Variants in PCDH9 observed in about 807,000 individuals in gnomAD.
PCDH9 encodes protocadherin 9.
PCDH9 carries 24 observed loss-of-function variants against 70.6 expected under a neutral mutation model. That is an observed-to-expected ratio of 0.34 (90% confidence interval 0.25 to 0.48). The LOEUF is 0.48. Ranked by LOEUF, PCDH9 falls within the 20% of genes least tolerant of loss-of-function variation. The pLI, the probability that PCDH9 is intolerant of heterozygous loss-of-function variation, is 0.99. For missense variants in PCDH9, 1,281 were observed against 1,503.6 expected (o/e 0.85, Z 2.45); for synonymous variants, 562 against 558.5 (o/e 1.01, Z -0.09).
intron 4 of PCDH9, among the ~76,000 whole-genome samples, chr13:66,392,315 T>C (rs542562975): frequency 6.6e-6 from 1 of 152,212 alleles, no homozygotes; most frequent in South Asian, 2.1e-4. Context: ...TAAGTAGTAA[T>C]TAGAGAAAAG....
Position 66,305,035 on chromosome 13 carries a change from A to C in PCDH9, c.3341-7T>G. The C allele has an allele frequency of 6.3e-7, 1 of 1,575,050 alleles. No individual in the cohort carries two copies. The highest frequency in any genetic ancestry group is 8.6e-7 in the Non-Finnish European group (1 of 1,161,472). ...CGGGGACCCAAAGGCCCATCTGCAG[A>C]AGACAAGAGAGAGAAAATAAGAAAA... On this transcript the variant is annotated splice_polypyrimidine_tract_variant and splice_region_variant and intron_variant, in intron 4 of 4. Transcript: ENST00000377865.
chr13:66,597,216 T>A (rs1303500241), intron 4 of PCDH9, among the ~76,000 whole-genome samples: 1 of 151,650 alleles, frequency 6.6e-6, no homozygotes, highest in African/African-American at 2.4e-5. Context: ...CCCAGAGCAA[T>A]CCATTTCAAA....
intron 4 of PCDH9, among the ~76,000 whole-genome samples, chr13:66,387,979 C>G (rs991045258): frequency 6.6e-6 from 1 of 151,994 alleles, no homozygotes; most frequent in Non-Finnish European, 1.5e-5. Flanking sequence ...AGCTAATATT[C>G]GGCAGTTTTT....
intron 2 of PCDH9, among the ~76,000 whole-genome samples, chr13:66,941,427 A>G (rs2083004726): frequency 6.6e-6 from 1 of 151,874 alleles, no homozygotes; most frequent in East Asian, 1.9e-4. Flanking sequence ...ATTTATGTAA[A>G]TGGTCTCAAC....
chr13:66,496,461 C>CT (rs1424043486), intron 4 of PCDH9, among the ~76,000 whole-genome samples: 1 of 152,152 alleles, frequency 6.6e-6, no homozygotes. Flanking sequence ...AAGGTTGACA[C>CT]TATGCCCCTA....
chr13:66,851,538 C>A (rs1047593672), intron 3 of PCDH9, among the ~76,000 whole-genome samples: 4 of 151,466 alleles, frequency 2.6e-5, no homozygotes, highest in Non-Finnish European at 4.4e-5. Flanking sequence ...TGAAGTTAAA[C>A]TGCCTGAGTT....
chr13:66,778,777 T>G (rs1284512461), intron 3 of PCDH9, among the ~76,000 whole-genome samples: 1 of 152,226 alleles, frequency 6.6e-6, no homozygotes, highest in Non-Finnish European at 1.5e-5. Flanking sequence ...GAGGTACTAA[T>G]TGGCCAGGCT....
At chr13:66,557,989 A>G (rs1472850491) in intron 4 of PCDH9, among the ~76,000 whole-genome samples, 1 of 152,122 alleles carries the variant, frequency 6.6e-6, no homozygotes, top group Non-Finnish European at 1.5e-5. Flanking sequence ...CCCAATCTCT[A>G]CAAAAATACT....
chr13:66,772,596 C>A (rs76612483), intron 3 of PCDH9, among the ~76,000 whole-genome samples: 4 of 151,906 alleles, frequency 2.6e-5, no homozygotes, highest in African/African-American at 9.7e-5. Context: ...CACATAAACT[C>A]ATACATAAAT....
intron 3 of PCDH9, among the ~76,000 whole-genome samples, chr13:66,665,762 G>GT (rs554245338): frequency 6.6e-6 from 1 of 151,772 alleles, no homozygotes; most frequent in African/African-American, 2.4e-5. Flanking sequence ...TAATTATTGA[G>GT]TTTTTTTTAG....
rs371798743 is a variant in PCDH9, at chr13:67,227,390, C to T, written c.1051G>A (p.Val351Ile). Residue 351 changes from valine (V) to isoleucine (I), a missense_variant, in exon 2 of 5, where the codon GTA becomes ATA. Physicochemically the swap from Val to Ile is conservative, Grantham distance 29. Around this residue, in one of 4 missense-constraint regions of PCDH9, gnomAD observed 798 missense variants for 1,003.1 expected, o/e 0.80. Transcript: ENST00000377865. The surrounding 1 kb of genome is among the most constrained non-coding windows in gnomAD (Gnocchi z 4.6). ...TCTATATTAGGAGGGTTATCATTTA[C>T]ATCGGTGACATTGATGGTAACCGTT... ...RATVTINVTD[V>I]NDNPPNIDLR... 73 of 1,613,676 alleles carry T rather than the reference C, an allele frequency of 4.5e-5. No homozygotes were observed. The Middle Eastern group carries it at 3.0e-3, about 65-fold the overall frequency.
At chr13:67,009,141 C>T (rs1039401471) in intron 2 of PCDH9, among the ~76,000 whole-genome samples, 3 of 152,046 alleles carry the variant, frequency 2.0e-5, no homozygotes, top group Non-Finnish European at 4.4e-5. Context: ...CTTAGGGCCT[C>T]GTTAAAACGC....
intron 2 of PCDH9, among the ~76,000 whole-genome samples, chr13:67,101,415 T>C (rs1256311994): frequency 6.6e-6 from 1 of 152,182 alleles, no homozygotes; most frequent in Non-Finnish European, 1.5e-5. Context: ...ATAGGGTGAT[T>C]AATAGGAATT....
chr13:66,915,525 C>A (rs189716403), intron 2 of PCDH9, among the ~76,000 whole-genome samples: 2 of 151,740 alleles, frequency 1.3e-5, no homozygotes, highest in Admixed American at 6.6e-5. Context: ...ACACTAATTT[C>A]TGTTGGTGTT....
chr13:66,668,892 T>G (rs765982228), intron 3 of PCDH9, among the ~76,000 whole-genome samples: 22 of 152,178 alleles, frequency 1.4e-4, no homozygotes, highest in Non-Finnish European at 2.4e-4. Flanking sequence ...CATAGTAGTA[T>G]TATGGTCTCA....
intron 3 of PCDH9, among the ~76,000 whole-genome samples, chr13:66,800,781 T>A (rs1352608618): frequency 6.6e-6 from 1 of 152,120 alleles, no homozygotes; most frequent in African/African-American, 2.4e-5. Context: ...AATTGTTTTT[T>A]TTACAAACAT....
intron 3 of PCDH9, among the ~76,000 whole-genome samples, chr13:66,817,905 G>A (rs112772797): frequency 1.5e-3 from 226 of 152,278 alleles, no homozygotes; most frequent in African/African-American, 5.2e-3. Context: ...TGGGATTACA[G>A]GAGTGAGCCA....
intron 3 of PCDH9, among the ~76,000 whole-genome samples, chr13:66,817,857 A>C (rs2080636429): frequency 6.6e-6 from 1 of 152,152 alleles, no homozygotes; most frequent in Non-Finnish European, 1.5e-5. Flanking sequence ...TGAACTGCTG[A>C]GCTCAGATGA....
intron 2 of PCDH9, among the ~76,000 whole-genome samples, chr13:67,093,657 G>A (rs2086263438): frequency 6.6e-6 from 1 of 152,082 alleles, no homozygotes; most frequent in Admixed American, 6.5e-5. Flanking sequence ...CAGTAGATTT[G>A]AAGGGATTCT....
Sources: allele counts gnomAD v4.1 joint callset (sites outside exome capture counted in the v4.1 genomes callset), GRCh38; gene constraint gnomAD v4.1.1; regional missense constraint gnomAD v4.1.1; non-coding constraint Gnocchi (gnomAD v3.1); transcripts MANE v1.5; gene names NCBI Gene and HGNC (gene_info 2026-07-23, HGNC 2026-07-21).